The following EEF2K variants were observed in gnomAD, a reference collection of about 807,000 sequenced individuals.
EEF2K encodes alternative protein EEF2K.
A neutral mutation model predicts 93.8 loss-of-function variants in EEF2K; 70 were observed. The observed-to-expected ratio is 0.75, with a 90% confidence interval of 0.62 to 0.91. EEF2K has a LOEUF of 0.91. Ranked by LOEUF, EEF2K falls within the 40% of genes least tolerant of loss-of-function variation. The probability of loss-of-function intolerance (pLI) is 0.00; values close to 1 mark genes in which losing one functional copy is unlikely to be tolerated. For missense variants in EEF2K, 935 were observed against 972.9 expected, an observed-to-expected ratio of 0.96 and a Z score of 0.52; for synonymous variants, 376 against 380.8, an observed-to-expected ratio of 0.99 and a Z score of 0.15.
chr16:22,270,143 AGTCT>A, intron 15 of EEF2K, among the ~76,000 whole-genome samples: 1 of 150,858 alleles, frequency 6.6e-6, no homozygotes, highest in African/African-American at 2.4e-5. Context: ...TTTGAGATGA[AGTCT>A]TGCTCTTGTC....
chr16:22,274,079 G>A (rs2047611489), intron 16 of EEF2K, among the ~76,000 whole-genome samples: 1 of 152,198 alleles, frequency 6.6e-6, no homozygotes, highest in South Asian at 2.1e-4. Context: ...GCCAAGGCGG[G>A]CAGATCACTT....
chr16:22,231,531 G>A (rs1175928185), intron 2 of EEF2K, among the ~76,000 whole-genome samples: 1 of 152,104 alleles, frequency 6.6e-6, no homozygotes, highest in African/African-American at 2.4e-5. Flanking sequence ...TATGGGAGAG[G>A]TACCATTAAA....
At chr16:22,251,656 C>T (rs2047353582) in intron 6 of EEF2K, among the ~76,000 whole-genome samples, 1 of 152,044 alleles carries the variant, frequency 6.6e-6, no homozygotes. Flanking sequence ...AACTCCTGAC[C>T]TCAAGTGATC....
intron 15 of EEF2K, among the ~76,000 whole-genome samples, chr16:22,267,573 C>T (rs561116804): frequency 6.9e-4 from 104 of 149,992 alleles, no homozygotes; most frequent in Non-Finnish European, 1.3e-3. Context: ...CTAGCCTGGG[C>T]GACAGAGTGA....
In EEF2K at chr16:22,287,032, C is replaced by G. The variant is rs923868596; in HGVS notation, c.*3036C>G. ...GCCCTTAAAAGTGAAAAGTAACTTG[C>G]AAGAGGTTGAGATCCTTCTGAGCTA... On this transcript the variant is annotated 3_prime_UTR_variant, in exon 18 of 18. Transcript: ENST00000263026. The G allele has an allele frequency of 1.3e-5, 2 of 152,212 alleles. No individual in the cohort carries two copies. Among genetic ancestry groups the G allele is most frequent in the African/African-American group, 2.4e-5 (1 of 41,428 alleles). The allele number at this position is 152,212 out of a possible 1,614,324, so 9.4% of individuals were successfully genotyped here. A position where few individuals can be genotyped will look rare whatever the true frequency, so the allele number is the denominator to read the frequency against.
At chr16:22,272,104 C>T (rs529257559) in intron 15 of EEF2K, among the ~76,000 whole-genome samples, 1 of 152,298 alleles carries the variant, frequency 6.6e-6, no homozygotes, top group East Asian at 1.9e-4. Context: ...AAAAACAGTA[C>T]ATCAAACCCT....
chr16:22,213,222 G>C (rs1022213422), intron 1 of EEF2K, among the ~76,000 whole-genome samples: 1 of 152,238 alleles, frequency 6.6e-6, no homozygotes, highest in Non-Finnish European at 1.5e-5. Flanking sequence ...GGAGTTTGCA[G>C]TGAGCCAAGA....
At chr16:22,264,366 A>G (rs2141678733) in intron 12 of EEF2K, among the ~76,000 whole-genome samples, 1 of 148,898 alleles carries the variant, frequency 6.7e-6, no homozygotes, top group East Asian at 2.0e-4. Flanking sequence ...GCACTTTAGG[A>G]GGGCAATGTG....
chr16:22,279,493 T>G (rs575476009), intron 16 of EEF2K, among the ~76,000 whole-genome samples: 1 of 152,300 alleles, frequency 6.6e-6, no homozygotes, highest in East Asian at 1.9e-4. Context: ...GGGCATGGAA[T>G]GTGTAATAAT....
intron 17 of EEF2K, among the ~76,000 whole-genome samples, chr16:22,281,334 T>A (rs1351819795): frequency 6.6e-6 from 1 of 151,268 alleles, no homozygotes; most frequent in Non-Finnish European, 1.5e-5. Context: ...GGAACTCCTA[T>A]GCTCAAGCAA....
Position 22,209,240 on chromosome 16 carries a change from C to T in EEF2K, c.-77+2561C>T, listed in dbSNP as rs145141756. 4.5e-3 allele frequency among the ~76,000 whole-genome samples: 690 copies of T among 152,278 alleles called. 6 individuals are homozygous for T. Among genetic ancestry groups the T allele is most frequent in the African/African-American group, 0.016 (657 of 41,558 alleles). ...AGAGATGGGATTTCACTGTGTTGGC[C>T]AGGCTGGTCTCAAACTCCTGACCTC... On this transcript the variant is annotated intron_variant, in intron 1 of 17. Transcript: ENST00000263026.
intron 15 of EEF2K, among the ~76,000 whole-genome samples, chr16:22,271,773 T>C (rs937813224): frequency 6.6e-6 from 1 of 152,138 alleles, no homozygotes; most frequent in African/African-American, 2.4e-5. Flanking sequence ...GTAAATTTCA[T>C]ATCATCAACT....
intron 2 of EEF2K, among the ~76,000 whole-genome samples, chr16:22,240,858 C>G (rs2047214860): frequency 6.6e-6 from 1 of 152,114 alleles, no homozygotes; most frequent in African/African-American, 2.4e-5. Context: ...CAACCTCCGC[C>G]TCCTGGGTTC....
chr16:22,231,388 T>A (rs1279463684), intron 2 of EEF2K, among the ~76,000 whole-genome samples: 1 of 151,824 alleles, frequency 6.6e-6, no homozygotes, highest in African/African-American at 2.4e-5. Context: ...AGTGCTGGGA[T>A]TACAGGCATG....
intron 15 of EEF2K, among the ~76,000 whole-genome samples, chr16:22,271,880 A>G (rs1045849310): frequency 3.3e-5 from 5 of 152,224 alleles, no homozygotes; most frequent in Non-Finnish European, 5.9e-5. Context: ...CATAAGTGAG[A>G]TGAAAGTGAA....
chr16:22,233,295 C>T (rs1283125849), intron 2 of EEF2K, among the ~76,000 whole-genome samples: 2 of 152,138 alleles, frequency 1.3e-5, no homozygotes, highest in East Asian at 3.8e-4. Context: ...TCCTTTTCTC[C>T]TTCTCTGTCA....
In EEF2K at chr16:22,207,944, A is replaced by G. The variant is rs149279782; in HGVS notation, c.-77+1265A>G. 2.3e-3 allele frequency among the ~76,000 whole-genome samples: 345 copies of G among 152,312 alleles called. 1 individual carries two copies. Among genetic ancestry groups the G allele is most frequent in the African/African-American group, 7.9e-3 (327 of 41,574 alleles). On this transcript the variant is annotated intron_variant, in intron 1 of 17. Transcript: ENST00000263026. ...AGGCAGGTGGAAGGAGGTAGAGTTCAGAGATGGCGTATGCAGGTGTCTTCC... is the reference window on the plus strand; with the variant it reads ...AGGCAGGTGGAAGGAGGTAGAGTTCGGAGATGGCGTATGCAGGTGTCTTCC...
intron 15 of EEF2K, among the ~76,000 whole-genome samples, chr16:22,269,388 A>G (rs573847563): frequency 1.8e-4 from 27 of 151,796 alleles, no homozygotes; most frequent in Non-Finnish European, 3.5e-4. Context: ...CCTAACATCC[A>G]GTGTGACCTC....
intron 2 of EEF2K, among the ~76,000 whole-genome samples, chr16:22,244,265 T>C (rs1166676174): frequency 2.3e-5 from 3 of 132,918 alleles, no homozygotes; most frequent in African/African-American, 3.3e-5. Context: ...TTTCTATATA[T>C]GTATTGTGTG....
Sources: gnomAD v4.1 joint callset for allele counts (sites outside exome capture counted in the v4.1 genomes callset) on GRCh38, gnomAD v4.1.1 for gene constraint, MANE v1.5 for transcripts, NCBI Gene and HGNC (gene_info 2026-07-23, HGNC 2026-07-21) for gene names.